SYNJ2: variants seen among roughly 807,000 people sequenced by gnomAD.
SYNJ2 encodes polyphosphatidylinositol phosphatase SYNJ2.
A neutral mutation model predicts 141.3 loss-of-function variants in SYNJ2; 116 were observed. The ratio of observed to expected loss-of-function variants is 0.82; its 90% confidence interval spans 0.71 to 0.96. SYNJ2 has a LOEUF of 0.96. SYNJ2 is among the 40% of genes least tolerant of loss of function. SYNJ2 has a pLI of 0.00. For missense variants in SYNJ2, 1,873 were observed against 1,934.8 expected, an observed-to-expected ratio of 0.97 and a Z score of 0.60; for synonymous variants, 745 against 777.7, an observed-to-expected ratio of 0.96 and a Z score of 0.70.
intron 1 of SYNJ2, among the ~76,000 whole-genome samples, chr6:158,009,552 G>A (rs1167613569): frequency 6.6e-6 from 1 of 152,238 alleles, no homozygotes. Context: ...AGAAGGGAGG[G>A]CTTTCCTCAA....
intron 1 of SYNJ2, among the ~76,000 whole-genome samples, chr6:158,011,115 G>T (rs553500720): frequency 6.6e-6 from 1 of 152,104 alleles, no homozygotes; most frequent in African/African-American, 2.4e-5. Context: ...GACACCACGC[G>T]GGGAGAGGAT....
In SYNJ2 at chr6:158,079,168, C is replaced by T. The variant is rs891007702; in HGVS notation, c.2567+887C>T. 7 of 152,094 alleles carry T rather than the reference C, an allele frequency of 4.6e-5. No individual in the cohort carries two copies. In the East Asian group the frequency reaches 5.8e-4, roughly 13 times the overall value. 9.4% of individuals were successfully genotyped at this position (152,094 alleles called of 1,614,324 possible). ...AGAGTGGAGGCAGCAGAGGGAGCAC[C>T]GTGGGCACCAGCACCTGTGCCCTGG... On this transcript the variant is annotated intron_variant, in intron 18 of 26. Transcript: ENST00000355585.
intron 1 of SYNJ2, among the ~76,000 whole-genome samples, chr6:157,988,449 G>T (rs1436090689): frequency 2.0e-5 from 3 of 152,164 alleles, no homozygotes; most frequent in African/African-American, 7.2e-5. Context: ...GAACAGCTGG[G>T]CATACAGGAT....
rs761345648 is a variant in SYNJ2 at position 157,982,840 on chromosome 6, C to T, written c.127+752C>T. Among the ~76,000 whole-genome samples, 5 of 152,230 alleles carry T rather than the reference C, an allele frequency of 3.3e-5. No homozygotes were observed. Among genetic ancestry groups the T allele is most frequent in the Non-Finnish European group, 5.9e-5 (4 of 68,036 alleles). ...AGTTGCTTGCCAAGGTGACACCATC[C>T]ACCTGACTTTTATGTGGCTGTTTCT... On this transcript the variant is annotated intron_variant, in intron 1 of 26. Transcript: ENST00000355585. This position sits in a 1 kb window ranked among gnomAD's most constrained non-coding sequence, Gnocchi z 4.0.
chr6:158,052,330 C>T (rs887646324), intron 5 of SYNJ2, among the ~76,000 whole-genome samples: 2 of 152,318 alleles, frequency 1.3e-5, no homozygotes, highest in East Asian at 1.9e-4. Flanking sequence ...TTGCCACACA[C>T]GTTATTATTT....
intron 2 of SYNJ2, among the ~76,000 whole-genome samples, chr6:158,019,226 G>A (rs1236274599): frequency 1.3e-5 from 2 of 152,198 alleles, no homozygotes; most frequent in African/African-American, 2.4e-5. Context: ...GGGATTCGAC[G>A]AATTACAGTA....
At chr6:158,015,016 A>G (rs9347015) in intron 1 of SYNJ2, among the ~76,000 whole-genome samples, 102,659 of 152,060 alleles carry the variant, frequency 0.68, 35,040 homozygotes, top group Middle Eastern at 0.78. Context: ...CCTGGAAAAC[A>G]TGGCATGGTG....
chr6:158,053,772 T>TCCAC, intron 5 of SYNJ2, among the ~76,000 whole-genome samples: 1 of 144,712 alleles, frequency 6.9e-6, no homozygotes, highest in Middle Eastern at 4.0e-3. Context: ...CACCCACCCA[T>TCCAC]CCACCCACCC....
At chr6:158,077,712 G>C (rs1217769856) in intron 17 of SYNJ2, 1 of 149,334 alleles carries the variant, frequency 6.7e-6, no homozygotes, top group Non-Finnish European at 1.5e-5. Flanking sequence ...GCATAGCCAG[G>C]AAATTGCATC....
intron 1 of SYNJ2, among the ~76,000 whole-genome samples, chr6:157,999,578 G>A (rs1345711522): frequency 4.6e-5 from 7 of 152,344 alleles, no homozygotes; most frequent in Non-Finnish European, 7.3e-5. Context: ...TCAGGGCTGC[G>A]AACATCCAGG....
At chr6:158,032,182 G>C (rs183282716) in intron 3 of SYNJ2, among the ~76,000 whole-genome samples, 20 of 152,240 alleles carry the variant, frequency 1.3e-4, no homozygotes, top group Admixed American at 1.3e-3. Flanking sequence ...TCAGACGCGG[G>C]CTGTGCTCCC....
At chr6:158,016,929 C>A in intron 1 of SYNJ2, 1 of 1,094,226 alleles carries the variant, frequency 9.1e-7, no homozygotes, top group Non-Finnish European at 1.1e-6. Context: ...CTGCCCCCAG[C>A]TGGACGCCAG....
At chr6:158,025,914 T>C (rs988863151) in intron 2 of SYNJ2, among the ~76,000 whole-genome samples, 1 of 152,160 alleles carries the variant, frequency 6.6e-6, no homozygotes, top group Non-Finnish European at 1.5e-5. Flanking sequence ...ATCACACCAT[T>C]GCACTCCAGC....
rs751715560 is a variant in SYNJ2, at chr6:158,089,723, G to A, written c.3457-116G>A. The stretch of plus-strand genomic sequence containing the variant: ...CAGGGTGTGGTGGAGGCTGGAGTTT[G>A]TATGGTCAGCATCGTCTGGTGGAGC... On this transcript the variant is annotated intron_variant, in intron 24 of 26. Transcript: ENST00000355585. 17 of 655,818 alleles carry A rather than the reference G, an allele frequency of 2.6e-5. No homozygotes were observed. The African/African-American group carries it at 2.9e-4, about 11-fold the overall frequency. The allele number at this position is 655,818 out of a possible 1,614,324, so 40.6% of individuals were successfully genotyped here.
chr6:158,021,185 C>G (rs1043452906), intron 2 of SYNJ2, among the ~76,000 whole-genome samples: 1 of 152,222 alleles, frequency 6.6e-6, no homozygotes, highest in Admixed American at 6.5e-5. Context: ...ACTCCTATCC[C>G]AGACTATAAT....
At chr6:158,060,417 A>T (rs187201160) in intron 7 of SYNJ2, among the ~76,000 whole-genome samples, 1 of 152,210 alleles carries the variant, frequency 6.6e-6, no homozygotes. Context: ...ACCAGCCTCC[A>T]TGTCCCCTGC....
intron 20 of SYNJ2, 94 bp downstream of exon 20, chr6:158,081,604 C>CTTTT: frequency 9.1e-6 from 2 of 219,732 alleles, no homozygotes; most frequent in South Asian, 4.6e-5. Flanking sequence ...CTGACCTGTG[C>CTTTT]CTTTTTTTTT....
At chr6:158,074,544 A>G in intron 15 of SYNJ2, 36 bp from the exon 16 acceptor site, 4 of 1,595,708 alleles carry the variant, frequency 2.5e-6, no homozygotes, top group Non-Finnish European at 3.4e-6. Flanking sequence ...TCCTTGCAAG[A>G]TGGGCTGAAT....
intron 2 of SYNJ2, among the ~76,000 whole-genome samples, chr6:158,023,751 A>C (rs1286004413): frequency 6.6e-6 from 1 of 152,206 alleles, no homozygotes; most frequent in Non-Finnish European, 1.5e-5. Flanking sequence ...AAGCTTGTCA[A>C]CAGCATTGCA....
Sources: gnomAD v4.1 joint callset for allele counts (sites outside exome capture counted in the v4.1 genomes callset) on GRCh38, gnomAD v4.1.1 for gene constraint, Gnocchi (gnomAD v3.1) non-coding constraint, MANE v1.5 for transcripts, NCBI Gene and HGNC (gene_info 2026-07-23, HGNC 2026-07-21) for gene names.